Variants in MYRIP observed in about 807,000 individuals in gnomAD.
The protein encoded by MYRIP is myosin VIIA and Rab interacting protein.
In MYRIP, 49 loss-of-function variants were observed where a neutral mutation model predicts 98.0. That is an observed-to-expected ratio of 0.50 (90% CI 0.40 to 0.63). The LOEUF (loss-of-function observed/expected upper bound fraction) is 0.63. MYRIP is among the 30% of genes least tolerant of loss of function. The pLI, the probability that MYRIP is intolerant of heterozygous loss-of-function variation, is 0.00. For synonymous variants in MYRIP, 404 were observed against 409.5 expected (o/e 0.99, Z 0.16); for missense variants, 1,004 against 1,058.2 (o/e 0.95, Z 0.71).
At chr3:39,969,727 T>C (rs1035484432) in intron 2 of MYRIP, among the ~76,000 whole-genome samples, 1 of 152,184 alleles carries the variant, frequency 6.6e-6, no homozygotes, top group African/African-American at 2.4e-5. Flanking sequence ...TGTTTGCAGG[T>C]ATTTTGTTGA....
intron 2 of MYRIP, among the ~76,000 whole-genome samples, chr3:39,907,597 CAGG>C (rs1303609619): frequency 6.6e-6 from 1 of 152,180 alleles, no homozygotes; most frequent in East Asian, 1.9e-4. Flanking sequence ...TGATGATCAG[CAGG>C]AGACTTTGTG....
chr3:39,947,856 G>T (rs923819779), intron 2 of MYRIP, among the ~76,000 whole-genome samples: 1 of 152,102 alleles, frequency 6.6e-6, no homozygotes, highest in South Asian at 2.1e-4. Context: ...TAGCAAGATC[G>T]CCAGGTGATT....
intron 2 of MYRIP, among the ~76,000 whole-genome samples, chr3:39,942,231 G>A (rs531008062): frequency 2.0e-4 from 31 of 152,244 alleles, no homozygotes; most frequent in Middle Eastern, 3.4e-3. Flanking sequence ...ACAGGGCCAC[G>A]TCACTGCAGT....
intron 3 of MYRIP, among the ~76,000 whole-genome samples, chr3:40,107,872 TCA>T (rs1450226665): frequency 1.3e-5 from 2 of 152,230 alleles, no homozygotes; most frequent in African/African-American, 2.4e-5. Flanking sequence ...GAGACACAAA[TCA>T]CAGACTCAGA....
intron 1 of MYRIP, among the ~76,000 whole-genome samples, chr3:39,877,360 T>A (rs1943028548): frequency 6.6e-6 from 1 of 152,164 alleles, no homozygotes; most frequent in African/African-American, 2.4e-5. Context: ...TCATTCTCCG[T>A]CCAGCTTTGT....
intron 4 of MYRIP, among the ~76,000 whole-genome samples, chr3:40,159,484 C>T (rs1950327660): frequency 6.6e-6 from 1 of 151,866 alleles, no homozygotes; most frequent in African/African-American, 2.4e-5. Context: ...TGGAGTTGCT[C>T]TTCTCGAGGA....
intron 3 of MYRIP, among the ~76,000 whole-genome samples, chr3:40,090,752 C>A (rs1948723898): frequency 6.6e-6 from 1 of 152,192 alleles, no homozygotes; most frequent in Non-Finnish European, 1.5e-5. Flanking sequence ...GCATGTGTTT[C>A]TGTGCCTTCC....
chr3:39,890,730 G>T (rs868111068), intron 1 of MYRIP, among the ~76,000 whole-genome samples: 1 of 151,464 alleles, frequency 6.6e-6, no homozygotes, highest in Non-Finnish European at 1.5e-5. Context: ...TTTATTTGAG[G>T]GCTGGGGAGT....
intron 1 of MYRIP, among the ~76,000 whole-genome samples, chr3:39,861,280 A>G (rs1176500628): frequency 1.3e-5 from 2 of 152,192 alleles, no homozygotes; most frequent in African/African-American, 2.4e-5. Flanking sequence ...AACCAGGCTT[A>G]CCTTATACCA....
intron 8 of MYRIP, among the ~76,000 whole-genome samples, chr3:40,172,918 G>C (rs1353699499): frequency 1.3e-5 from 2 of 152,094 alleles, no homozygotes; most frequent in Non-Finnish European, 2.9e-5. Flanking sequence ...CTCTGACCCT[G>C]TCTCATTTTC....
intron 4 of MYRIP, among the ~76,000 whole-genome samples, chr3:40,159,699 C>T (rs1475738745): frequency 3.9e-5 from 6 of 152,054 alleles, no homozygotes; most frequent in Non-Finnish European, 5.9e-5. Context: ...CATTTCTTTT[C>T]ATTCTTTTTT....
At chr3:39,882,815 A>C (rs1482982165) in intron 1 of MYRIP, among the ~76,000 whole-genome samples, 3 of 152,264 alleles carry the variant, frequency 2.0e-5, no homozygotes, top group Middle Eastern at 3.4e-3. Context: ...ACAGGGTTGG[A>C]CAATCCAAGG....
At chr3:39,820,801 T>C (rs1462290628) in intron 1 of MYRIP, among the ~76,000 whole-genome samples, 2 of 152,200 alleles carry the variant, frequency 1.3e-5, no homozygotes, top group African/African-American at 4.8e-5. Flanking sequence ...CTCCTAGAAC[T>C]GCAGATCTTG....
At chr3:39,976,668 G>A (rs1306346058) in intron 2 of MYRIP, among the ~76,000 whole-genome samples, 4 of 152,114 alleles carry the variant, frequency 2.6e-5, no homozygotes, top group African/African-American at 9.7e-5. Context: ...ATGATAGAGT[G>A]GATTTAGAAA....
At chr3:39,887,849 T>C (rs1370992953) in intron 1 of MYRIP, among the ~76,000 whole-genome samples, 1 of 152,096 alleles carries the variant, frequency 6.6e-6, no homozygotes, top group Non-Finnish European at 1.5e-5. Context: ...ACAAAATCAA[T>C]GTACAAAAAT....
intron 1 of MYRIP, among the ~76,000 whole-genome samples, chr3:39,848,360 C>G (rs1466171224): frequency 1.3e-5 from 2 of 152,172 alleles, no homozygotes. Context: ...AAGCCTAATA[C>G]TTCAATCATT....
intron 1 of MYRIP, among the ~76,000 whole-genome samples, chr3:39,862,538 A>G (rs184592289): frequency 1.3e-5 from 2 of 152,326 alleles, no homozygotes; most frequent in East Asian, 3.9e-4. Context: ...CTAAAGACAA[A>G]AAAGTCAAAG....
intron 3 of MYRIP, among the ~76,000 whole-genome samples, chr3:40,145,891 G>T (rs1949999039): frequency 1.3e-5 from 2 of 152,166 alleles, no homozygotes; most frequent in Admixed American, 6.5e-5. Context: ...AGTCAATCAG[G>T]AATACTAAGT....
At position 39,922,365 on chromosome 3, in the gene MYRIP, G is replaced by C. The variant is rs866134670; in HGVS notation, c.110+21439G>C. ...TGGCCTCCACCCCTACCTAGAAAAA[G>C]CTAAGCAGGAAGCTGAGACTTTTAT... On this transcript the variant is annotated intron_variant, in intron 2 of 16. Coordinates refer to ENST00000302541, the MANE Select transcript of MYRIP (RefSeq NM_015460.4). Among the ~76,000 whole-genome samples, 5 of 152,188 alleles carry C rather than the reference G, an allele frequency of 3.3e-5. No individual in the cohort carries two copies. In the South Asian group the frequency reaches 1.0e-3, roughly 32 times the overall value.
Sources: gnomAD v4.1 joint callset for allele counts (sites outside exome capture counted in the v4.1 genomes callset) on GRCh38, gnomAD v4.1.1 for gene constraint, MANE v1.5 for transcripts, NCBI Gene and HGNC (gene_info 2026-07-23, HGNC 2026-07-21) for gene names.